The following ZNF385B variants were observed in gnomAD, a reference collection of about 807,000 sequenced individuals.
The protein encoded by ZNF385B is zinc finger protein 385B, also known as zinc finger protein 533.
A neutral mutation model predicts 39.2 loss-of-function variants in ZNF385B; 23 were observed. The observed-to-expected ratio is 0.59, with a 90% CI of 0.42 to 0.83. ZNF385B has a LOEUF of 0.83. Among genes scored for constraint, ZNF385B ranks in the 40% least tolerant of loss-of-function variants. The pLI is 0.00. For synonymous variants in ZNF385B, 205 were observed against 222.6 expected (o/e 0.92, Z 0.70); for missense variants, 552 against 598.9 (o/e 0.92, Z 0.82).
intron 1 of ZNF385B, among the ~76,000 whole-genome samples, chr2:179,816,294 C>A (rs1175555099): frequency 1.3e-5 from 2 of 152,198 alleles, no homozygotes; most frequent in African/African-American, 4.8e-5. Context: ...CTAATCACTT[C>A]TCTCCACTTT....
intron 6 of ZNF385B, among the ~76,000 whole-genome samples, chr2:179,465,632 C>T (rs889299846): frequency 1.3e-5 from 2 of 152,070 alleles, no homozygotes; most frequent in Non-Finnish European, 2.9e-5. Context: ...CCTTATTCAC[C>T]GTTTAAACTA....
chr2:179,704,727 A>C (rs1699459112), intron 3 of ZNF385B, among the ~76,000 whole-genome samples: 1 of 152,234 alleles, frequency 6.6e-6, no homozygotes, highest in South Asian at 2.1e-4. Flanking sequence ...TTTCTTCTCC[A>C]CCAGGATCTG....
intron 3 of ZNF385B, among the ~76,000 whole-genome samples, chr2:179,756,733 A>T (rs529074813): frequency 6.6e-6 from 1 of 152,186 alleles, no homozygotes; most frequent in East Asian, 1.9e-4. Flanking sequence ...TTGATCTTCA[A>T]TGACTGATAC....
intron 3 of ZNF385B, among the ~76,000 whole-genome samples, chr2:179,762,810 A>C (rs1441978354): frequency 1.3e-5 from 2 of 152,260 alleles, no homozygotes; most frequent in Non-Finnish European, 2.9e-5. Context: ...CACTGAAACC[A>C]TATGAATCCA....
At chr2:179,807,929 A>AAGGAAG in intron 1 of ZNF385B, among the ~76,000 whole-genome samples, 2 of 116,526 alleles carry the variant, frequency 1.7e-5, no homozygotes, top group African/African-American at 5.8e-5. Flanking sequence ...AAAGAAAGAA[A>AAGGAAG]GAAGGAAGGA....
chr2:179,465,374 A>G (rs1447620902), intron 6 of ZNF385B, among the ~76,000 whole-genome samples: 2 of 152,234 alleles, frequency 1.3e-5, no homozygotes, highest in African/African-American at 4.8e-5. Flanking sequence ...TAAATTCTCT[A>G]CTTTTCTCTC....
intron 3 of ZNF385B, among the ~76,000 whole-genome samples, chr2:179,591,036 T>C (rs1002885884): frequency 1.3e-5 from 2 of 151,948 alleles, no homozygotes; most frequent in Non-Finnish European, 2.9e-5. Flanking sequence ...ATGTTTGGGA[T>C]TTTCTAATTA....
At chr2:179,799,628 G>A (rs1479424575) in intron 1 of ZNF385B, among the ~76,000 whole-genome samples, 2 of 151,936 alleles carry the variant, frequency 1.3e-5, no homozygotes, top group Non-Finnish European at 2.9e-5. Context: ...ATGACTTTAG[G>A]CAAGTCATTT....
chr2:179,749,178 T>A (rs1434867006), intron 3 of ZNF385B, among the ~76,000 whole-genome samples: 3 of 150,590 alleles, frequency 2.0e-5, no homozygotes, highest in African/African-American at 7.3e-5. Flanking sequence ...GGCTATGATT[T>A]AAAAAAAAAG....
chr2:179,493,417 G>A (rs1277207240), intron 5 of ZNF385B, among the ~76,000 whole-genome samples: 1 of 151,274 alleles, frequency 6.6e-6, no homozygotes, highest in Non-Finnish European at 1.5e-5. Flanking sequence ...GTACACAAAT[G>A]CATGTGTACA....
At chr2:179,737,077 A>G (rs1320016607) in intron 3 of ZNF385B, among the ~76,000 whole-genome samples, 1 of 152,174 alleles carries the variant, frequency 6.6e-6, no homozygotes, top group African/African-American at 2.4e-5. Flanking sequence ...GTTTATTTAT[A>G]GTCTTTACTG....
intron 3 of ZNF385B, among the ~76,000 whole-genome samples, chr2:179,644,975 T>C (rs1433878059): frequency 6.6e-6 from 1 of 152,250 alleles, no homozygotes; most frequent in Non-Finnish European, 1.5e-5. Context: ...GTAACATATA[T>C]ACATACTATA....
At chr2:179,748,436 CA>C (rs746616619) in intron 3 of ZNF385B, among the ~76,000 whole-genome samples, 22 of 152,026 alleles carry the variant, frequency 1.4e-4, no homozygotes, top group Non-Finnish European at 2.6e-4. Flanking sequence ...GGAGGCAAAA[CA>C]TTGGGTTATC....
At chr2:179,523,289 TAAG>T (rs1274133698) in intron 4 of ZNF385B, among the ~76,000 whole-genome samples, 4 of 147,202 alleles carry the variant, frequency 2.7e-5, no homozygotes, top group African/African-American at 5.0e-5. Flanking sequence ...AATATCAAAA[TAAG>T]AACAATTTTT....
chr2:179,589,479 A>G (rs1687372379), intron 3 of ZNF385B, among the ~76,000 whole-genome samples: 1 of 152,206 alleles, frequency 6.6e-6, no homozygotes, highest in African/African-American at 2.4e-5. Flanking sequence ...ATTTATTTTT[A>G]AAGTGGGCTA....
At chr2:179,531,452 A>G (rs982258024) in intron 4 of ZNF385B, among the ~76,000 whole-genome samples, 1 of 151,994 alleles carries the variant, frequency 6.6e-6, no homozygotes, top group African/African-American at 2.4e-5. Flanking sequence ...CCTGGCCAAC[A>G]TGGCAAAACC....
intron 6 of ZNF385B, among the ~76,000 whole-genome samples, chr2:179,459,111 C>T (rs1299536688): frequency 6.6e-6 from 1 of 152,186 alleles, no homozygotes; most frequent in Non-Finnish European, 1.5e-5. Context: ...TAGGTGTTTT[C>T]TCTGAATTTT....
intron 3 of ZNF385B, among the ~76,000 whole-genome samples, chr2:179,743,652 A>G (rs1391781294): frequency 6.6e-6 from 1 of 152,124 alleles, no homozygotes; most frequent in Non-Finnish European, 1.5e-5. Context: ...AATTTTGATC[A>G]CCTCTATTTC....
intron 3 of ZNF385B, among the ~76,000 whole-genome samples, chr2:179,684,611 A>G (rs1697781046): frequency 6.6e-6 from 1 of 152,198 alleles, no homozygotes; most frequent in African/African-American, 2.4e-5. Context: ...GGAAGAAAAA[A>G]ATCATTATTG....
Sources: gnomAD v4.1 joint callset for allele counts (sites outside exome capture counted in the v4.1 genomes callset) on GRCh38, gnomAD v4.1.1 for gene constraint, MANE v1.5 for transcripts, NCBI Gene and HGNC (gene_info 2026-07-23, HGNC 2026-07-21) for gene names.